The following MYO9B variants were observed in gnomAD, a reference collection of about 807,000 sequenced individuals.
MYO9B encodes myosin IXB, also known as unconventional myosin-IXb.
A neutral mutation model predicts 229.5 loss-of-function variants in MYO9B; 71 were observed. The observed-to-expected ratio is 0.31, with a 90% CI of 0.26 to 0.38. MYO9B has a LOEUF of 0.38. Among genes scored for constraint, MYO9B ranks in the 10% least tolerant of loss-of-function variants. The pLI is 1.00. For synonymous variants in MYO9B, 1,185 were observed against 1,235.8 expected, an observed-to-expected ratio of 0.96 and a Z score of 0.86; for missense variants, 2,255 against 2,920.5, an observed-to-expected ratio of 0.77 and a Z score of 5.25.
intron 24 of MYO9B, among the ~76,000 whole-genome samples, chr19:17,198,807 G>A (rs975571210): frequency 2.0e-5 from 3 of 151,178 alleles, no homozygotes; most frequent in Admixed American, 6.6e-5. Flanking sequence ...GGGGGCTCCA[G>A]GTGTTCCTTG....
chr19:17,164,032 T>G (rs958629943), intron 10 of MYO9B, among the ~76,000 whole-genome samples: 1 of 152,226 alleles, frequency 6.6e-6, no homozygotes. Flanking sequence ...TAATTCTGTT[T>G]TTAACTTTTT....
intron 1 of MYO9B, among the ~76,000 whole-genome samples, chr19:17,094,104 C>T (rs897333114): frequency 5.3e-5 from 7 of 132,262 alleles, no homozygotes; most frequent in African/African-American, 2.1e-4. Flanking sequence ...GGCGCAATCT[C>T]GGCACACTGC....
chr19:17,125,302 C>CG (rs1014719084), intron 2 of MYO9B, among the ~76,000 whole-genome samples: 2 of 136,998 alleles, frequency 1.5e-5, no homozygotes, highest in Non-Finnish European at 3.1e-5. Context: ...CCCCATCCCC[C>CG]CCCCCCCAAA....
In MYO9B at chr19:17,203,255, A is replaced by G. The variant is rs2073127231; in HGVS notation, c.4987A>G (p.Ser1663Gly). Residue 1663 changes from serine to glycine, a missense_variant, in exon 30 of 40, where the codon AGC becomes GGC. Ser to Gly is a moderately conservative substitution (Grantham distance 56). Around this residue, in one of 7 missense-constraint regions of MYO9B, gnomAD observed 416 missense variants for 605.5 expected, o/e 0.69. Coordinates refer to ENST00000682292, the MANE Select transcript of MYO9B (RefSeq NM_004145.4). ...GCTCATGGACAAGGCCCTGCTCTGCAGCGGTGAGTGGCTCCCCCACCAGGC... is the reference window on the plus strand; with the variant it reads ...GCTCATGGACAAGGCCCTGCTCTGCGGCGGTGAGTGGCTCCCCCACCAGGC... ...IWLMDKALLC[S>G]VCKMTCHKKC... The G allele has an allele frequency of 1.3e-6, 2 of 1,549,840 alleles. No individual in the cohort carries two copies. The highest frequency in any genetic ancestry group is 2.0e-5 in the Admixed American group (1 of 51,166).
rs200430280 is a variant in MYO9B at position 17,202,145 on chromosome 19, G to A, written c.4678G>A (p.Val1560Met). The A allele has an allele frequency of 1.8e-5, 29 of 1,613,628 alleles. No homozygotes were observed. The highest frequency in any genetic ancestry group is 4.5e-5 in the East Asian group (2 of 44,878). Residue 1560 changes from valine to methionine, a missense_variant, in exon 28 of 40, where the codon GTG becomes ATG. Physicochemically the swap from Val to Met is conservative, Grantham distance 21 (BLOSUM62 1). Around this residue, in one of 7 missense-constraint regions of MYO9B, gnomAD observed 416 missense variants for 605.5 expected, o/e 0.69. Transcript: ENST00000682292. ...ATTCCTACAGAACGGGAAGATCCAC[G>A]TGGGCTACAAGGATCTGATGGAGAA... ...MYSVPNGKIHVGYKDLMENYQ... is the reference protein window; with the variant it reads ...MYSVPNGKIHMGYKDLMENYQ...
At chr19:17,093,761 C>G (rs2057662026) in intron 1 of MYO9B, among the ~76,000 whole-genome samples, 1 of 151,872 alleles carries the variant, frequency 6.6e-6, no homozygotes, top group Admixed American at 6.6e-5. Context: ...AGTGCAGTCA[C>G]TGCTCACTGC....
In MYO9B at chr19:17,191,168, C is replaced by G. The variant is rs773702347; in HGVS notation, c.2760C>G (p.Leu920=). ...CCTGCAGGGAGGTCATCTCCACCCT[C>G]CTGGAGAAAATGAAGATAGACAAGA... ...AQPCREVIST[L]LEKMKIDKRN... The change falls in exon 20 of 40, where the codon CTC becomes CTG. Residue 920 remains leucine (L), a synonymous_variant. Coordinates refer to ENST00000682292, the MANE Select transcript of MYO9B (RefSeq NM_004145.4). 6.2e-7 allele frequency: 1 copy of G among 1,612,560 alleles called. No individual in the cohort carries two copies. Among genetic ancestry groups the G allele is most frequent in the Non-Finnish European group, 8.5e-7 (1 of 1,179,234 alleles).
chr19:17,185,971 T>C lies in MYO9B; in HGVS notation c.2547T>C (p.Phe849=). ...LEALGKAEPF[F]IRCIRSNAEK... The stretch of plus-strand genomic sequence containing the variant: ...CACTGGGGAAGGCGGAGCCCTTCTT[T>C]ATCCGCTGCATCCGTTCCAATGCTG... The change falls in exon 18 of 40, where the codon TTT becomes TTC. Residue 849 remains phenylalanine (F), a synonymous_variant. Transcript: ENST00000682292. 6.2e-7 allele frequency: 1 copy of C among 1,613,950 alleles called. No homozygotes were observed. The highest frequency in any genetic ancestry group is 8.5e-7 in the Non-Finnish European group (1 of 1,179,826).
Position 17,172,328 on chromosome 19 carries a change from G to A in MYO9B, c.1794-8G>A. On this transcript the variant is annotated splice_region_variant and splice_polypyrimidine_tract_variant and intron_variant, in intron 11 of 39. Coordinates refer to ENST00000682292, the MANE Select transcript of MYO9B (RefSeq NM_004145.4). The surrounding 1 kb of genome is among the most constrained non-coding windows in gnomAD (Gnocchi z 8.2). ...CATGCCTGCAAAGGTTCCATGTTCT[G>A]TTCCCAGCTTCCCCCACGCCACGAG... 5 of 1,613,836 alleles carry A rather than the reference G, an allele frequency of 3.1e-6. No individual in the cohort carries two copies. The highest frequency in any genetic ancestry group is 1.3e-5 in the African/African-American group (1 of 75,040).
At position 17,200,719 on chromosome 19, in the gene MYO9B, A is replaced by G. The variant is rs2073097912; in HGVS notation, c.4453A>G (p.Asn1485Asp). ...EPGGKGKKNRNVKIGKITVSE... is the reference protein window; with the variant it reads ...EPGGKGKKNRDVKIGKITVSE... ...AGGAGGCAAAGGGAAGAAGAACCGA[A>G]ATGTCAAGATTGGGAAGATCACAGT... Residue 1485 changes from asparagine to aspartate, a missense_variant, in exon 26 of 40, where the codon AAT becomes GAT. This residue lies in a region of MYO9B where 416 missense variants were observed against 605.5 expected (regional missense o/e 0.69). Transcript: ENST00000682292. 1.2e-6 allele frequency: 2 copies of G among 1,613,962 alleles called. No individual in the cohort carries two copies. Among genetic ancestry groups the G allele is most frequent in the Non-Finnish European group, 1.7e-6 (2 of 1,179,920 alleles).
In MYO9B at chr19:17,194,752, T is replaced by A. The variant is rs2073022578; in HGVS notation, c.3325T>A (p.Ser1109Thr). The A allele has an allele frequency of 3.7e-6, 6 of 1,611,712 alleles. No individual in the cohort carries two copies. Among genetic ancestry groups the A allele is most frequent in the Non-Finnish European group, 4.2e-6 (5 of 1,179,562 alleles). Residue 1109 changes from serine (S) to threonine (T), a missense_variant, in exon 22 of 40, where the codon TCC becomes ACC. This residue lies in a region of MYO9B where 679 missense variants were observed against 770.2 expected (regional missense o/e 0.88). Coordinates refer to ENST00000682292, the MANE Select transcript of MYO9B (RefSeq NM_004145.4). ...GCCTGAGGTGCAGCCAAGTGACAGG[T>A]CCCCCCTAGAGCACTCCTCACCTGA... ...SEPEVQPSDRSPLEHSSPEKE... is the reference protein window; with the variant it reads ...SEPEVQPSDRTPLEHSSPEKE...
At chr19:17,134,370 TC>T (rs1268301729) in intron 2 of MYO9B, among the ~76,000 whole-genome samples, 34 of 145,296 alleles carry the variant, frequency 2.3e-4, no homozygotes, top group African/African-American at 8.5e-4. Context: ...GTTTTTTTTT[TC>T]GTTTTGTTTG....
rs200070053 is a variant in MYO9B, at chr19:17,185,373, C to CAA, written c.2496+401_2496+402dup. Among the ~76,000 whole-genome samples the CAA allele has an allele frequency of 3.4e-3, 362 of 107,520 alleles. 2 individuals carry two copies. The highest frequency in any genetic ancestry group is 7.8e-3 in the Admixed American group (80 of 10,312). 70.5% of individuals were successfully genotyped at this position (107,520 alleles called of 152,430 possible). A position where few individuals can be genotyped will look rare whatever the true frequency, so the allele number is the denominator to read the frequency against. Reference sequence around the variant, plus strand: ...TGGGCGACAGAGCAAGACTCCATCTCAAAAAAAAAAAAAAAAGATACAAAA... The same window carrying CAA: ...TGGGCGACAGAGCAAGACTCCATCTCAAAAAAAAAAAAAAAAAAGATACAAAA... On this transcript the variant is annotated intron_variant, in intron 17 of 39. Transcript: ENST00000682292.
In MYO9B at chr19:17,102,057, G is replaced by A. The variant is rs747556280; in HGVS notation, c.340G>A (p.Ala114Thr). 142 of 1,612,292 alleles carry A rather than the reference G, an allele frequency of 8.8e-5. No individual in the cohort carries two copies. In the Admixed American group the frequency reaches 1.1e-3, roughly 13 times the overall value. ...CTACTTCCTGCTGCAGGAGCGCAAC[G>A]CAGATGGAACCATCAAGTACGTGCA... ...GYYFLLQERNADGTIKYVHMQ... is the reference protein window; with the variant it reads ...GYYFLLQERNTDGTIKYVHMQ... The change falls in exon 2 of 40, where the codon GCA (alanine) becomes ACA (threonine). Residue 114 changes from alanine (A) to threonine (T), a missense_variant. Around this residue, in one of 7 missense-constraint regions of MYO9B, gnomAD observed 386 missense variants for 515.2 expected, o/e 0.75. Transcript: ENST00000682292.
chr19:17,106,931 C>T (rs1030780879), intron 2 of MYO9B, among the ~76,000 whole-genome samples: 1 of 152,106 alleles, frequency 6.6e-6, no homozygotes, highest in Non-Finnish European at 1.5e-5. Context: ...GGTGTGGTGG[C>T]GAGCGCCTAT....
chr19:17,134,821 T>C (rs2072249099), intron 2 of MYO9B, among the ~76,000 whole-genome samples: 1 of 152,170 alleles, frequency 6.6e-6, no homozygotes, highest in Non-Finnish European at 1.5e-5. Flanking sequence ...CGGAGTGCAG[T>C]AGCACGATCT....
intron 2 of MYO9B, among the ~76,000 whole-genome samples, chr19:17,106,041 T>C (rs969235583): frequency 6.6e-6 from 1 of 150,408 alleles, no homozygotes; most frequent in African/African-American, 2.4e-5. Flanking sequence ...CTCTCTCCGT[T>C]ACCTAGAATG....
chr19:17,148,431 C>T (rs901475250), intron 3 of MYO9B, among the ~76,000 whole-genome samples: 1 of 152,152 alleles, frequency 6.6e-6, no homozygotes, highest in South Asian at 2.1e-4. Flanking sequence ...GGCCAGAAGT[C>T]GGATATCAAG....
intron 2 of MYO9B, among the ~76,000 whole-genome samples, chr19:17,110,649 A>G (rs917907492): frequency 6.6e-6 from 1 of 152,158 alleles, no homozygotes; most frequent in African/African-American, 2.4e-5. Flanking sequence ...AAATAAAATA[A>G]GGATCCTTGC....
Sources: gnomAD v4.1 joint callset for allele counts (sites outside exome capture counted in the v4.1 genomes callset) on GRCh38, gnomAD v4.1.1 for gene constraint, gnomAD v4.1.1 regional missense constraint, Gnocchi (gnomAD v3.1) non-coding constraint, MANE v1.5 for transcripts, NCBI Gene and HGNC (gene_info 2026-07-23, HGNC 2026-07-21) for gene names.